AMER2: variants seen among roughly 807,000 people sequenced by gnomAD.
AMER2 encodes APC membrane recruitment protein 2, also known as family with sequence similarity 123A.
AMER2 carries 1 observed loss-of-function variant against 4.7 expected under a neutral mutation model. The observed-to-expected ratio is 0.21, with a 90% CI of 0.07 to 1.00. AMER2 has a LOEUF of 1.00. AMER2 is among the 50% of genes least tolerant of loss of function. The pLI is 0.60. For missense variants in AMER2, 988 were observed against 966.9 expected (o/e 1.02, Z -0.29); for synonymous variants, 485 against 433.3 (o/e 1.12, Z -1.48).
At position 25,171,695 on chromosome 13, in the gene AMER2, A is replaced by G; in HGVS notation, c.-76T>C. 1 of 1,413,284 alleles carries G rather than the reference A, an allele frequency of 7.1e-7. No homozygotes were observed. The allele number at this position is 1,413,284 out of a possible 1,614,324, so 87.5% of individuals were successfully genotyped here. On this transcript the variant is annotated 5_prime_UTR_variant, in exon 1 of 1. Coordinates refer to ENST00000515384, the MANE Select transcript of AMER2 (RefSeq NM_152704.4). This position sits in a 1 kb window ranked among gnomAD's most constrained non-coding sequence, Gnocchi z 5.9. ...CCACTGTCACCCGTATTCTAAATCA[A>G]CCTGAGCCGCGCTCGCCGCCGCCGC...
chr13:25,170,934 G>C lies in AMER2; in HGVS notation c.686C>G (p.Ser229Trp), dbSNP rs1239996717. 1.1e-5 allele frequency: 16 copies of C among 1,493,206 alleles called. No homozygotes were observed. Among genetic ancestry groups the C allele is most frequent in the Non-Finnish European group, 1.3e-5 (15 of 1,126,972 alleles). 92.5% of individuals were successfully genotyped at this position (1,493,206 alleles called of 1,614,324 possible). ...GACGCACTCCAGGCTGGCGGTGAGC[G>C]AGCCGGGTAGGATCAAGCCGCCCCC... Reference protein sequence around the residue: ...APGGGLILPGSLTASLECVKE... With the variant: ...APGGGLILPGWLTASLECVKE... Residue 229 changes from serine to tryptophan, a missense_variant, in exon 1 of 1, where the codon TCG becomes TGG. Transcript: ENST00000515384. The surrounding 1 kb of genome is among the most constrained non-coding windows in gnomAD (Gnocchi z 7.3).
rs948977474 is a variant in AMER2 at position 25,166,471 on chromosome 13, A to T, written c.*3133T>A. On this transcript the variant is annotated 3_prime_UTR_variant, in exon 1 of 1. Coordinates refer to ENST00000515384, the MANE Select transcript of AMER2 (RefSeq NM_152704.4). ...TGTTTCAAATAACAGTGTATGTGTA[A>T]TATAGACATTCAAGTCAGGCTGTCT... The T allele has an allele frequency of 3.9e-5, 6 of 152,236 alleles. No individual in the cohort carries two copies. The highest frequency in any genetic ancestry group is 7.3e-5 in the Non-Finnish European group (5 of 68,038). 9.4% of individuals were successfully genotyped at this position (152,236 alleles called of 1,614,324 possible). A position where few individuals can be genotyped will look rare whatever the true frequency, so the allele number is the denominator to read the frequency against.
In AMER2 at chr13:25,170,032, G is replaced by A. The variant is rs966928017; in HGVS notation, c.1588C>T (p.Pro530Ser). 2 of 1,613,732 alleles carry A rather than the reference G, an allele frequency of 1.2e-6. No individual in the cohort carries two copies. The highest frequency in any genetic ancestry group is 1.7e-6 in the Non-Finnish European group (2 of 1,179,950). Residue 530 changes from proline to serine, a missense_variant, in exon 1 of 1, where the codon CCA (proline) becomes TCA (serine). Physicochemically the swap from Pro to Ser is moderately conservative, Grantham distance 74 (BLOSUM62 -1). Transcript: ENST00000515384. This position sits in a 1 kb window ranked among gnomAD's most constrained non-coding sequence, Gnocchi z 7.3. ...SDEGYWDSTT[P>S]GPEEDSSSSG... ...CTCGAGCTGTCTTCCTCTGGGCCTG[G>A]CGTGGTGGAGTCCCAGTAGCCCTCG...
At position 25,170,829 on chromosome 13, in the gene AMER2, G is replaced by A; in HGVS notation, c.791C>T (p.Ala264Val). The change falls in exon 1 of 1, where the codon GCA becomes GTA. Residue 264 changes from alanine to valine, a missense_variant. Ala to Val is a moderately conservative substitution (Grantham distance 64). Coordinates refer to ENST00000515384, the MANE Select transcript of AMER2 (RefSeq NM_152704.4). This position sits in a 1 kb window ranked among gnomAD's most constrained non-coding sequence, Gnocchi z 7.3. Reference protein sequence around the residue: ...DAPRDPAGEPAGGEEVPAPAD... With the variant: ...DAPRDPAGEPVGGEEVPAPAD... Reference sequence around the variant, plus strand: ...GGGGGCGGGCACCTCCTCTCCCCCTGCGGGCTCACCTGCTGGGTCTCGCGG... The same window carrying A: ...GGGGGCGGGCACCTCCTCTCCCCCTACGGGCTCACCTGCTGGGTCTCGCGG... The A allele has an allele frequency of 7.0e-7, 1 of 1,424,490 alleles. No individual in the cohort carries two copies. The highest frequency in any genetic ancestry group is 9.1e-7 in the Non-Finnish European group (1 of 1,098,550). 88.2% of individuals were successfully genotyped at this position (1,424,490 alleles called of 1,614,324 possible).
In AMER2 at chr13:25,169,729, T is replaced by C. The variant is rs765280531; in HGVS notation, c.1891A>G (p.Arg631Gly). 1 of 1,614,172 alleles carries C rather than the reference T, an allele frequency of 6.2e-7. No homozygotes were observed. The highest frequency in any genetic ancestry group is 8.5e-7 in the Non-Finnish European group (1 of 1,180,018). The change falls in exon 1 of 1, where the codon AGG becomes GGG. Residue 631 changes from arginine to glycine, a missense_variant. Arg to Gly is a moderately radical substitution (Grantham distance 125, BLOSUM62 -2). Coordinates refer to ENST00000515384, the MANE Select transcript of AMER2 (RefSeq NM_152704.4). This position sits in a 1 kb window ranked among gnomAD's most constrained non-coding sequence, Gnocchi z 4.2. The stretch of plus-strand genomic sequence containing the variant: ...ATTTTTGTTCTGGGCATCTCACTCC[T>C]GGAGGGTTGCTGGTGCACCACGGGA... ...SHPVVHQQPS[R>G]SEMPRTKIPV...
chr13:25,167,769 C>T lies in AMER2; in HGVS notation c.*1835G>A, dbSNP rs887925825. ...TTTAAAATGGGGAATGGCCTACTTT[C>T]TGCTACTGGCTCAATTTGCTTTCCT... On this transcript the variant is annotated 3_prime_UTR_variant, in exon 1 of 1. Transcript: ENST00000515384. 1.3e-5 allele frequency: 2 copies of T among 152,208 alleles called. No individual in the cohort carries two copies. Among genetic ancestry groups the T allele is most frequent in the Non-Finnish European group, 2.9e-5 (2 of 68,010 alleles). The allele number at this position is 152,208 out of a possible 1,614,324, so 9.4% of individuals were successfully genotyped here. A position where few individuals can be genotyped will look rare whatever the true frequency, so the allele number is the denominator to read the frequency against.
Position 25,171,131 on chromosome 13 carries a change from G to A in AMER2, c.489C>T (p.Phe163=), listed in dbSNP as rs879555729. 1.3e-6 allele frequency: 2 copies of A among 1,554,418 alleles called. No homozygotes were observed. Among genetic ancestry groups the A allele is most frequent in the Admixed American group, 1.9e-5 (1 of 53,000 alleles). Residue 163 remains phenylalanine (F), a synonymous_variant, in exon 1 of 1, where the codon TTC becomes TTT. Transcript: ENST00000515384. This position sits in a 1 kb window ranked among gnomAD's most constrained non-coding sequence, Gnocchi z 5.9. ...GCCCGTTCTTCTTCAGCAGCGAGAAGAAGCTGTGCGACTTGGCCACCGAGC... is the reference window on the plus strand; with the variant it reads ...GCCCGTTCTTCTTCAGCAGCGAGAAAAAGCTGTGCGACTTGGCCACCGAGC... The part of the protein sequence containing the change: ...ASSSVAKSHS[F]FSLLKKNGRS...
rs1593691229 is a variant in AMER2, at chr13:25,171,806, G to C, written c.-187C>G. 8.3e-6 allele frequency: 10 copies of C among 1,200,616 alleles called. No homozygotes were observed. The highest frequency in any genetic ancestry group is 1.6e-5 in the African/African-American group (1 of 62,818). 74.4% of individuals were successfully genotyped at this position (1,200,616 alleles called of 1,614,324 possible). On this transcript the variant is annotated 5_prime_UTR_variant, in exon 1 of 1. Coordinates refer to ENST00000515384, the MANE Select transcript of AMER2 (RefSeq NM_152704.4). The surrounding 1 kb of genome is among the most constrained non-coding windows in gnomAD (Gnocchi z 5.9). ...AACCCACTTCCATCCGACTTGGCTC[G>C]GCGCTGCATGGCGTTTTTGTGGCAG...
rs780734307 is a variant in AMER2, at chr13:25,170,812, G to A, written c.808C>T (p.Pro270Ser). Reference protein sequence around the residue: ...AGEPAGGEEVPAPADRAPARS... With the variant: ...AGEPAGGEEVSAPADRAPARS... ...GCTGGGGCGCGGTCGGCGGGGGCGG[G>A]CACCTCCTCTCCCCCTGCGGGCTCA... is the stretch of plus-strand genomic sequence containing the variant. Residue 270 changes from proline to serine, a missense_variant, in exon 1 of 1, where the codon CCC becomes TCC. Physicochemically the swap from Pro to Ser is moderately conservative, Grantham distance 74. Transcript: ENST00000515384. The surrounding 1 kb of genome is among the most constrained non-coding windows in gnomAD (Gnocchi z 7.3). The A allele has an allele frequency of 2.9e-6, 4 of 1,393,252 alleles. No individual in the cohort carries two copies. In the South Asian group the frequency reaches 5.4e-5, roughly 19 times the overall value. The allele number at this position is 1,393,252 out of a possible 1,614,324, so 86.3% of individuals were successfully genotyped here.
At position 25,170,000 on chromosome 13, in the gene AMER2, C is replaced by G; in HGVS notation, c.1620G>C (p.Gly540=). 6.2e-7 allele frequency: 1 copy of G among 1,613,946 alleles called. No individual in the cohort carries two copies. Among genetic ancestry groups the G allele is most frequent in the Non-Finnish European group, 8.5e-7 (1 of 1,179,930 alleles). Residue 540 remains glycine (G), a synonymous_variant, in exon 1 of 1, where the codon GGG becomes GGC. Transcript: ENST00000515384. This position sits in a 1 kb window ranked among gnomAD's most constrained non-coding sequence, Gnocchi z 4.2. ...TATCCCGGGGGATGCCCGCCTTCTT[C>G]CCGCTGCTCGAGCTGTCTTCCTCTG... The part of the protein sequence containing the change: ...PGPEEDSSSS[G]KKAGIPRDSY...
In AMER2 at chr13:25,169,843, T is replaced by A; in HGVS notation, c.1777A>T (p.Thr593Ser). 1 of 1,613,932 alleles carries A rather than the reference T, an allele frequency of 6.2e-7. No individual in the cohort carries two copies. Among genetic ancestry groups the A allele is most frequent in the Non-Finnish European group, 8.5e-7 (1 of 1,179,934 alleles). The change falls in exon 1 of 1, where the codon ACC (threonine) becomes TCC (serine). Residue 593 changes from threonine (T) to serine (S), a missense_variant. Transcript: ENST00000515384. This position sits in a 1 kb window ranked among gnomAD's most constrained non-coding sequence, Gnocchi z 4.2. The stretch of plus-strand genomic sequence containing the variant: ...CTGCCTGGTGTTCGCAGTGGACAGG[T>A]GATGGTGCCTGGAGATACGGGCTTT... ...RLKPVSPGTI[T>S]CPLRTPGSLL...
In AMER2 at chr13:25,171,320, C is replaced by T. The variant is rs774893379; in HGVS notation, c.300G>A (p.Leu100=). The T allele has an allele frequency of 6.2e-7, 1 of 1,608,412 alleles. No individual in the cohort carries two copies. Among genetic ancestry groups the T allele is most frequent in the East Asian group, 2.3e-5 (1 of 44,222 alleles). Residue 100 remains leucine, a synonymous_variant, in exon 1 of 1, where the codon CTG becomes CTA. Coordinates refer to ENST00000515384, the MANE Select transcript of AMER2 (RefSeq NM_152704.4). The surrounding 1 kb of genome is among the most constrained non-coding windows in gnomAD (Gnocchi z 5.9). The part of the protein sequence containing the change: ...GDGKSSGPTG[L]VRSRTHDGLA... ...GTCCGTCGTGGGTCCTGCTCCTCAC[C>T]AGCCCCGTCGGACCCGAGCTTTTCC...
chr13:25,171,078 A>G lies in AMER2; in HGVS notation c.542T>C (p.Val181Ala), dbSNP rs2137449111. The G allele has an allele frequency of 1.9e-6, 3 of 1,576,024 alleles. No individual in the cohort carries two copies. Among genetic ancestry groups the G allele is most frequent in the Non-Finnish European group, 2.6e-6 (3 of 1,162,576 alleles). ...GRSENGKGEP[V>A]DASKAGGKQK... ...TTTGCCGCCGGCCTTGCTCGCGTCC[A>G]CAGGCTCTCCCTTGCCGTTTTCCGA... The change falls in exon 1 of 1, where the codon GTG becomes GCG. Residue 181 changes from valine (V) to alanine (A), a missense_variant. Val to Ala is a moderately conservative substitution (Grantham distance 64). Transcript: ENST00000515384. This position sits in a 1 kb window ranked among gnomAD's most constrained non-coding sequence, Gnocchi z 5.9.
At position 25,171,954 on chromosome 13, in the gene AMER2, A is replaced by T. The variant is rs1421897080; in HGVS notation, c.-335T>A. On this transcript the variant is annotated 5_prime_UTR_variant, in exon 1 of 1. It adds an upstream start codon to the 5' untranslated region. Transcript: ENST00000515384. The surrounding 1 kb of genome is among the most constrained non-coding windows in gnomAD (Gnocchi z 5.9). Reference sequence around the variant, plus strand: ...TAGACTCGCTCTTCACGGGAGCGCAACCATGGATCACGAAATGCCTCTAAA... The same window carrying T: ...TAGACTCGCTCTTCACGGGAGCGCATCCATGGATCACGAAATGCCTCTAAA... 6.2e-6 allele frequency: 2 copies of T among 322,348 alleles called. No individual in the cohort carries two copies. The highest frequency in any genetic ancestry group is 1.1e-5 in the Non-Finnish European group (2 of 179,966). The allele number at this position is 322,348 out of a possible 1,614,324, so 20.0% of individuals were successfully genotyped here.
rs1189083739 is a variant in AMER2 at position 25,162,951 on chromosome 13, A to G, written c.*6653T>C. Reference sequence around the variant, plus strand: ...ATATGTTAGTAGAATTCAATATAAAATACTCATCTTCATGGTGGCTGACTT... The same window carrying G: ...ATATGTTAGTAGAATTCAATATAAAGTACTCATCTTCATGGTGGCTGACTT... On this transcript the variant is annotated 3_prime_UTR_variant, in exon 1 of 1. Transcript: ENST00000515384. 6.6e-6 allele frequency: 1 copy of G among 152,238 alleles called. No homozygotes were observed. The highest frequency in any genetic ancestry group is 1.5e-5 in the Non-Finnish European group (1 of 68,042). 9.4% of individuals were successfully genotyped at this position (152,238 alleles called of 1,614,324 possible). A position where few individuals can be genotyped will look rare whatever the true frequency, so the allele number is the denominator to read the frequency against.
rs1286663850 is a variant in AMER2 at position 25,162,145 on chromosome 13, C to A, written c.*7459G>T. On this transcript the variant is annotated 3_prime_UTR_variant, in exon 1 of 1. Transcript: ENST00000515384. The stretch of plus-strand genomic sequence containing the variant: ...TTTCCTCCTGTGCACAAAAATAATA[C>A]TGCCAAAACCTGTCCTCAAAGACAT... The A allele has an allele frequency of 6.6e-6, 1 of 152,138 alleles. No individual in the cohort carries two copies. Among genetic ancestry groups the A allele is most frequent in the Non-Finnish European group, 1.5e-5 (1 of 68,026 alleles). 9.4% of individuals were successfully genotyped at this position (152,138 alleles called of 1,614,324 possible). A position where few individuals can be genotyped will look rare whatever the true frequency, so the allele number is the denominator to read the frequency against.
chr13:25,169,726 T>A lies in AMER2; in HGVS notation c.1894A>T (p.Ser632Cys). The part of the protein sequence containing the change: ...HPVVHQQPSR[S>C]EMPRTKIPVS... ...GGGATTTTTGTTCTGGGCATCTCACTCCTGGAGGGTTGCTGGTGCACCACG... is the reference window on the plus strand; with the variant it reads ...GGGATTTTTGTTCTGGGCATCTCACACCTGGAGGGTTGCTGGTGCACCACG... Residue 632 changes from serine (S) to cysteine (C), a missense_variant, in exon 1 of 1, where the codon AGT (serine) becomes TGT (cysteine). Ser to Cys is a moderately radical substitution (Grantham distance 112). Coordinates refer to ENST00000515384, the MANE Select transcript of AMER2 (RefSeq NM_152704.4). This position sits in a 1 kb window ranked among gnomAD's most constrained non-coding sequence, Gnocchi z 4.2. 1 of 1,614,140 alleles carries A rather than the reference T, an allele frequency of 6.2e-7. No individual in the cohort carries two copies. The highest frequency in any genetic ancestry group is 1.1e-5 in the South Asian group (1 of 91,070).
At position 25,169,596 on chromosome 13, in the gene AMER2, G is replaced by C. The variant is rs757930586; in HGVS notation, c.*8C>G. The C allele has an allele frequency of 3.2e-6, 5 of 1,564,318 alleles. No individual in the cohort carries two copies. The Admixed American group carries it at 9.2e-5, about 29-fold the overall frequency. On this transcript the variant is annotated 3_prime_UTR_variant, in exon 1 of 1. Transcript: ENST00000515384. This position sits in a 1 kb window ranked among gnomAD's most constrained non-coding sequence, Gnocchi z 4.2. The stretch of plus-strand genomic sequence containing the variant: ...GCATGGGGCCCATCCACCTTGGCCT[G>C]GAAGACCTCACAACTTTTTGGCACT...
chr13:25,171,072 G>T lies in AMER2; in HGVS notation c.548C>A (p.Ala183Glu). The T allele has an allele frequency of 6.3e-7, 1 of 1,576,296 alleles. No individual in the cohort carries two copies. The highest frequency in any genetic ancestry group is 1.1e-5 in the South Asian group (1 of 87,472). Residue 183 changes from alanine to glutamate, a missense_variant, in exon 1 of 1, where the codon GCG (alanine) becomes GAG (glutamate). Transcript: ENST00000515384. This position sits in a 1 kb window ranked among gnomAD's most constrained non-coding sequence, Gnocchi z 5.9. ...CTTTTGTTTGCCGCCGGCCTTGCTC[G>T]CGTCCACAGGCTCTCCCTTGCCGTT... is the stretch of plus-strand genomic sequence containing the variant. ...SENGKGEPVDASKAGGKQKRG... is the reference protein window; with the variant it reads ...SENGKGEPVDESKAGGKQKRG...
Sources: gnomAD v4.1 joint callset for allele counts on GRCh38, gnomAD v4.1.1 for gene constraint, Gnocchi (gnomAD v3.1) non-coding constraint, MANE v1.5 for transcripts, NCBI Gene and HGNC (gene_info 2026-07-23, HGNC 2026-07-21) for gene names.